CAMK2B: variants seen among roughly 807,000 people sequenced by gnomAD.
The protein encoded by CAMK2B is calcium/calmodulin dependent protein kinase II beta.
A neutral mutation model predicts 93.7 loss-of-function variants in CAMK2B; 27 were observed. The ratio of observed to expected loss-of-function variants is 0.29; its 90% CI spans 0.21 to 0.40. The LOEUF (loss-of-function observed/expected upper bound fraction) is 0.40, where lower values mean the gene tolerates loss of function less well. Among genes scored for constraint, CAMK2B ranks in the 10% least tolerant of loss-of-function variants. The pLI is 1.00. For synonymous variants in CAMK2B, 374 were observed against 358.8 expected (o/e 1.04, Z -0.48); for missense variants, 568 against 895.8 (o/e 0.63, Z 4.67).
chr7:44,265,594 C>T (rs2096915602), intron 2 of CAMK2B, among the ~76,000 whole-genome samples: 1 of 152,244 alleles, frequency 6.6e-6, no homozygotes, highest in South Asian at 2.1e-4. Context: ...TGAACGCATT[C>T]TCCTGGGACA....
At chr7:44,300,020 C>CTGTGTG (rs143590426) in intron 1 of CAMK2B, among the ~76,000 whole-genome samples, 2,883 of 141,656 alleles carry the variant, frequency 0.02, 32 homozygotes, top group South Asian at 0.043. Context: ...GTGTATGTGT[C>CTGTGTG]TGTGTGTGTG....
intron 12 of CAMK2B, among the ~76,000 whole-genome samples, chr7:44,240,189 G>T (rs1292733406): frequency 2.6e-5 from 4 of 152,148 alleles, no homozygotes; most frequent in Admixed American, 1.3e-4. Context: ...GGCCTCAGGG[G>T]TCTATAACAG....
rs974960708 is a variant in CAMK2B, at chr7:44,234,523, C to T, written c.1060-62G>A. The T allele has an allele frequency of 2.1e-4, 334 of 1,584,192 alleles. 2 individuals carry two copies. Among genetic ancestry groups the T allele is most frequent in the Non-Finnish European group, 2.4e-4 (275 of 1,161,138 alleles). ...AAGCCCCTCACTCGCCATTCCCTGTCCCGTGTCTCTCAGGGCATGGGGGGA... is the reference window on the plus strand; with the variant it reads ...AAGCCCCTCACTCGCCATTCCCTGTTCCGTGTCTCTCAGGGCATGGGGGGA... On this transcript the variant is annotated intron_variant, in intron 14 of 23. Transcript: ENST00000395749.
At chr7:44,293,191 G>C (rs1016574560) in intron 1 of CAMK2B, among the ~76,000 whole-genome samples, 23 of 152,212 alleles carry the variant, frequency 1.5e-4, no homozygotes, top group African/African-American at 5.3e-4. Flanking sequence ...CAGGTCCCCA[G>C]TCACCGTTCT....
chr7:44,226,036 G>T, intron 20 of CAMK2B: 1 of 635,020 alleles, frequency 1.6e-6, no homozygotes, highest in Non-Finnish European at 2.3e-6. Context: ...CCAGATCCGC[G>T]CCTCCCGATC....
intron 13 of CAMK2B, among the ~76,000 whole-genome samples, chr7:44,236,411 C>T (rs993983856): frequency 6.6e-6 from 1 of 152,224 alleles, no homozygotes; most frequent in South Asian, 2.1e-4. Context: ...AGGAGTCCCT[C>T]CCAGGATCCA....
intron 15 of CAMK2B, 49 bp downstream of exon 15, chr7:44,234,341 G>A: frequency 2.8e-6 from 4 of 1,448,916 alleles, no homozygotes; most frequent in Non-Finnish European, 3.7e-6. Context: ...CAATCACACA[G>A]CCAGGGGCGT....
Position 44,249,698 on chromosome 7 carries a change from G to A in CAMK2B, c.342-2506C>T, listed in dbSNP as rs907743694. ...TGCCACCTCCCGGGACACCAACAGG[G>A]ACTCGGCCTGCACCGCATGCACCTC... On this transcript the variant is annotated intron_variant, in intron 5 of 23. Coordinates refer to ENST00000395749, the MANE Select transcript of CAMK2B (RefSeq NM_001220.5). Among the ~76,000 whole-genome samples the A allele has an allele frequency of 2.0e-5, 3 of 152,188 alleles. 1 individual carries two copies. In the East Asian group the frequency reaches 5.8e-4, roughly 29 times the overall value.
intron 1 of CAMK2B, among the ~76,000 whole-genome samples, chr7:44,320,660 A>T (rs894151489): frequency 2.0e-5 from 3 of 152,240 alleles, no homozygotes; most frequent in Admixed American, 2.0e-4. Context: ...AATACCATTA[A>T]ATAGTAACTA....
chr7:44,324,061 C>G (rs1248817926), intron 1 of CAMK2B: 1 of 153,250 alleles, frequency 6.5e-6, no homozygotes, highest in Non-Finnish European at 1.5e-5. Context: ...GGCTGGGCTC[C>G]ACATCCCTAA....
chr7:44,241,772 C>T lies in CAMK2B; in HGVS notation c.831G>A (p.Thr277=), dbSNP rs779510696. 51 of 1,613,026 alleles carry T rather than the reference C, an allele frequency of 3.2e-5. No individual in the cohort carries two copies. Among genetic ancestry groups the T allele is most frequent in the Non-Finnish European group, 4.2e-5 (49 of 1,179,380 alleles). The stretch of plus-strand genomic sequence containing the variant: ...CCTGTCTGTGCATCATGGATGCTAC[C>T]GTGGAGCGTTGCTGTGGGGAAATGG... ...LKHPWVCQRS[T]VASMMHRQET... The change falls in exon 11 of 24, where the codon ACG becomes ACA. Residue 277 remains threonine (T), a synonymous_variant. Coordinates refer to ENST00000395749, the MANE Select transcript of CAMK2B (RefSeq NM_001220.5).
At chr7:44,277,991 C>T (rs1438046040) in intron 2 of CAMK2B, among the ~76,000 whole-genome samples, 1 of 152,250 alleles carries the variant, frequency 6.6e-6, no homozygotes, top group African/African-American at 2.4e-5. Context: ...GTGTTATGCT[C>T]TCCCACGTTT....
chr7:44,325,429 G>A lies in CAMK2B; in HGVS notation c.-8C>T. The stretch of plus-strand genomic sequence containing the variant: ...GGTCACCGTGGTGGCCATGGCGGCG[G>A]CGGACGGGCTCGGCGTGCGCTCGGC... On this transcript the variant is annotated 5_prime_UTR_variant, in exon 1 of 24. Transcript: ENST00000395749. 4.4e-6 allele frequency: 5 copies of A among 1,147,266 alleles called. No individual in the cohort carries two copies. Among genetic ancestry groups the A allele is most frequent in the Non-Finnish European group, 5.5e-6 (5 of 914,452 alleles). The allele number at this position is 1,147,266 out of a possible 1,614,324, so 71.1% of individuals were successfully genotyped here.
In CAMK2B at chr7:44,258,853, C is replaced by T; in HGVS notation, c.275+19G>A. On this transcript the variant is annotated intron_variant, in intron 4 of 23. Coordinates refer to ENST00000395749, the MANE Select transcript of CAMK2B (RefSeq NM_001220.5). Reference sequence around the variant, plus strand: ...GGCTGGGAGTGAGTGCAGCGAGAGTCCCCAGCTCTGGAACTTACAGATCGA... The same window carrying T: ...GGCTGGGAGTGAGTGCAGCGAGAGTTCCCAGCTCTGGAACTTACAGATCGA... 1 of 1,611,852 alleles carries T rather than the reference C, an allele frequency of 6.2e-7. No individual in the cohort carries two copies. Among genetic ancestry groups the T allele is most frequent in the Middle Eastern group, 1.7e-4 (1 of 6,060 alleles).
At chr7:44,220,325 G>C (rs2096384650) in intron 22 of CAMK2B, 31 bp from the exon 23 acceptor site, 5 of 1,556,864 alleles carry the variant, frequency 3.2e-6, no homozygotes, top group Non-Finnish European at 4.4e-6. Flanking sequence ...GGGGGTCTCG[G>C]GTTACCATGA....
chr7:44,284,335 G>T (rs919297741), intron 1 of CAMK2B, 110 bp from the exon 2 acceptor site: 2 of 800,808 alleles, frequency 2.5e-6, no homozygotes, highest in Admixed American at 2.4e-5. Context: ...TTCAGCCACC[G>T]GCCCGGCCTC....
At chr7:44,254,855 T>C (rs139979667) in intron 4 of CAMK2B, among the ~76,000 whole-genome samples, 1 of 52,948 alleles carries the variant, frequency 1.9e-5, no homozygotes, top group African/African-American at 7.0e-5. Context: ...TACTTATCTA[T>C]AATGACATTT....
chr7:44,296,134 A>T (rs977287601), intron 1 of CAMK2B, among the ~76,000 whole-genome samples: 1 of 152,240 alleles, frequency 6.6e-6, no homozygotes, highest in African/African-American at 2.4e-5. Context: ...AACCAGACTC[A>T]GATATGGCAT....
At chr7:44,226,103 C>T (rs1264942356) in intron 20 of CAMK2B, among the ~76,000 whole-genome samples, 1 of 152,106 alleles carries the variant, frequency 6.6e-6, no homozygotes, top group African/African-American at 2.4e-5. Flanking sequence ...GCGTCTCAGG[C>T]CGGGACTGAC....
Sources: gnomAD v4.1 joint callset for allele counts (sites outside exome capture counted in the v4.1 genomes callset) on GRCh38, gnomAD v4.1.1 for gene constraint, MANE v1.5 for transcripts, NCBI Gene and HGNC (gene_info 2026-07-23, HGNC 2026-07-21) for gene names.